Variants in CDC42BPA observed in about 807,000 individuals in gnomAD.
CDC42BPA encodes the protein serine/threonine-protein kinase MRCK alpha.
In CDC42BPA, 80 loss-of-function variants were observed where a neutral mutation model predicts 223.5. The observed-to-expected ratio is 0.36, with a 90% CI of 0.30 to 0.43. The LOEUF is 0.43. Ranked by LOEUF, CDC42BPA falls within the 20% of genes least tolerant of loss-of-function variation. The probability of loss-of-function intolerance (pLI) is 1.00; values close to 1 mark genes in which losing one functional copy is unlikely to be tolerated. For missense variants in CDC42BPA, 1,743 were observed against 2,099.9 expected, an observed-to-expected ratio of 0.83 and a Z score of 3.32; for synonymous variants, 694 against 718.6, an observed-to-expected ratio of 0.97 and a Z score of 0.55.
intron 24 of CDC42BPA, among the ~76,000 whole-genome samples, chr1:227,039,734 T>C (rs1266929863): frequency 1.3e-5 from 2 of 152,146 alleles, no homozygotes; most frequent in Non-Finnish European, 1.5e-5. Flanking sequence ...CCTCTGCTAT[T>C]AATACAGGAA....
chr1:227,263,708 A>T (rs565248173), intron 1 of CDC42BPA, among the ~76,000 whole-genome samples: 3 of 151,838 alleles, frequency 2.0e-5, no homozygotes, highest in Non-Finnish European at 4.4e-5. Flanking sequence ...CAGGCTCCCA[A>T]GTAGCTGGGA....
intron 7 of CDC42BPA, 34 bp downstream of exon 7, chr1:227,147,325 C>T: frequency 1.4e-6 from 2 of 1,476,292 alleles, no homozygotes; most frequent in East Asian, 2.3e-5. Flanking sequence ...TGTTATTTAC[C>T]ACATTAATTT....
chr1:227,138,536 A>AAAAAAAAG (rs1434443672), intron 10 of CDC42BPA, among the ~76,000 whole-genome samples: 9 of 151,396 alleles, frequency 5.9e-5, no homozygotes, highest in Middle Eastern at 3.4e-3. Context: ...AAAAAAAAAA[A>AAAAAAAAG]AGAGAGCGTT....
chr1:227,114,348 T>C (rs1434586430), intron 12 of CDC42BPA, among the ~76,000 whole-genome samples: 1 of 151,440 alleles, frequency 6.6e-6, no homozygotes, highest in Non-Finnish European at 1.5e-5. Context: ...ATTAAAATTA[T>C]ATACCCCAAA....
intron 6 of CDC42BPA, among the ~76,000 whole-genome samples, chr1:227,150,669 A>T (rs4653481): frequency 0.72 from 108,750 of 151,854 alleles, 39,155 homozygotes; most frequent in South Asian, 0.86. Context: ...CTTTACTAAT[A>T]CATTTAAATG....
intron 10 of CDC42BPA, 98 bp downstream of exon 10, chr1:227,139,478 A>G (rs1659278084): frequency 3.9e-6 from 3 of 759,792 alleles, no homozygotes; most frequent in South Asian, 2.6e-5. Context: ...ACCACTTAAA[A>G]TAATTTTTTT....
Position 227,039,009 on chromosome 1 carries a change from T to C in CDC42BPA, c.3199+1122A>G, listed in dbSNP as rs75344927. Among the ~76,000 whole-genome samples the C allele has an allele frequency of 2.8e-4, 43 of 152,322 alleles. 1 individual carries two copies. In the East Asian group the frequency reaches 8.3e-3, roughly 29 times the overall value. ...AGCAGAAAAACGCCTGGGAAAAGCT[T>C]CACCAGAGTCCTTCTTCACCATGAC... On this transcript the variant is annotated intron_variant, in intron 24 of 36. Transcript: ENST00000366766.
chr1:227,102,125 T>C (rs1685147067), intron 14 of CDC42BPA, among the ~76,000 whole-genome samples: 1 of 152,150 alleles, frequency 6.6e-6, no homozygotes, highest in Non-Finnish European at 1.5e-5. Context: ...GTCACTGTAT[T>C]CTTTTTTGAA....
chr1:227,244,495 G>GC (rs1553414389), intron 2 of CDC42BPA, among the ~76,000 whole-genome samples: 2 of 37,418 alleles, frequency 5.3e-5, no homozygotes, highest in African/African-American at 2.9e-4. Flanking sequence ...TTCACATGGT[G>GC]GGGGGGGGCA....
At chr1:227,216,311 T>C (rs79892036) in intron 2 of CDC42BPA, among the ~76,000 whole-genome samples, 8,218 of 152,264 alleles carry the variant, frequency 0.054, 245 homozygotes, top group Non-Finnish European at 0.072. Context: ...GGTCATGAAA[T>C]GACCGCTAAT....
At chr1:227,098,270 A>AT (rs201040002) in intron 15 of CDC42BPA, among the ~76,000 whole-genome samples, 1 of 148,288 alleles carries the variant, frequency 6.7e-6, no homozygotes, top group Non-Finnish European at 1.5e-5. Context: ...GTTCTAAGAA[A>AT]TTTTTTTCTA....
At chr1:227,272,441 TACTC>T in intron 1 of CDC42BPA, among the ~76,000 whole-genome samples, 1 of 152,230 alleles carries the variant, frequency 6.6e-6, no homozygotes, top group South Asian at 2.1e-4. Flanking sequence ...TTTTTAAAAA[TACTC>T]TAAGTTAAAA....
intron 2 of CDC42BPA, among the ~76,000 whole-genome samples, chr1:227,243,795 T>C (rs1680420699): frequency 6.8e-6 from 1 of 146,450 alleles, no homozygotes; most frequent in South Asian, 2.2e-4. Context: ...CACACACACG[T>C]GTGCACATCT....
intron 10 of CDC42BPA, among the ~76,000 whole-genome samples, chr1:227,133,708 G>C (rs4279825): frequency 0.72 from 108,621 of 151,662 alleles, 39,111 homozygotes; most frequent in South Asian, 0.86. Flanking sequence ...TCCACTCAGG[G>C]TTAAATGGAT....
intron 5 of CDC42BPA, among the ~76,000 whole-genome samples, chr1:227,170,500 A>T (rs1665917284): frequency 6.6e-6 from 1 of 151,908 alleles, no homozygotes; most frequent in Non-Finnish European, 1.5e-5. Context: ...TATATTAGTC[A>T]CTATAGTGTT....
At chr1:227,081,758 C>CG (rs552337254) in intron 16 of CDC42BPA, among the ~76,000 whole-genome samples, 98 of 152,120 alleles carry the variant, frequency 6.4e-4, no homozygotes, top group African/African-American at 2.3e-3. Context: ...CTGGCCTATA[C>CG]GCCTGTTCTC....
intron 1 of CDC42BPA, chr1:227,264,882 T>G: frequency 6.7e-7 from 1 of 1,503,490 alleles, no homozygotes; most frequent in Non-Finnish European, 9.2e-7. Flanking sequence ...GAAGAATTTT[T>G]CAATTCCTCT....
At chr1:227,083,206 C>T (rs1681075148) in intron 16 of CDC42BPA, among the ~76,000 whole-genome samples, 1 of 152,184 alleles carries the variant, frequency 6.6e-6, no homozygotes, top group African/African-American at 2.4e-5. Flanking sequence ...CTTTTCATCA[C>T]ATCCTCTATG....
At chr1:227,264,196 GT>G (rs2148397629) in intron 1 of CDC42BPA, among the ~76,000 whole-genome samples, 1 of 152,306 alleles carries the variant, frequency 6.6e-6, no homozygotes, top group East Asian at 1.9e-4. Flanking sequence ...TTGAGAGGAT[GT>G]TATTTCACAG....
Sources: gnomAD v4.1 joint callset for allele counts (sites outside exome capture counted in the v4.1 genomes callset) on GRCh38, gnomAD v4.1.1 for gene constraint, MANE v1.5 for transcripts, NCBI Gene and HGNC (gene_info 2026-07-23, HGNC 2026-07-21) for gene names.